Variants in ASIC2 observed in about 807,000 individuals in gnomAD.
The protein encoded by ASIC2 is acid sensing ion channel subunit 2, also known as acid-sensing ion channel 2.
A neutral mutation model predicts 57.3 loss-of-function variants in ASIC2; 25 were observed. The observed-to-expected ratio is 0.44, with a 90% confidence interval of 0.32 to 0.61. ASIC2 has a LOEUF of 0.61. ASIC2 is among the 20% of genes least tolerant of loss of function. The pLI is 0.06. For missense variants in ASIC2, 641 were observed against 738.1 expected, an observed-to-expected ratio of 0.87 and a Z score of 1.52; for synonymous variants, 319 against 307.5, an observed-to-expected ratio of 1.04 and a Z score of -0.39.
intron 1 of ASIC2, among the ~76,000 whole-genome samples, chr17:33,718,702 AT>A (rs1393178322): frequency 7.2e-5 from 11 of 152,268 alleles, no homozygotes; most frequent in Admixed American, 2.0e-4. Flanking sequence ...CTCCTGTTCT[AT>A]CCCCAAAGAG....
At chr17:33,589,803 T>C (rs895738370) in intron 1 of ASIC2, among the ~76,000 whole-genome samples, 1 of 152,210 alleles carries the variant, frequency 6.6e-6, no homozygotes. Context: ...TTCTACCCTT[T>C]GGCTACTATG....
At chr17:33,575,844 T>A (rs903433694) in intron 1 of ASIC2, among the ~76,000 whole-genome samples, 3 of 152,108 alleles carry the variant, frequency 2.0e-5, no homozygotes, top group Admixed American at 6.6e-5. Flanking sequence ...GGCAAGGGGC[T>A]CTTTAAACAT....
chr17:33,307,851 C>T (rs1442820595), intron 1 of ASIC2, among the ~76,000 whole-genome samples: 2 of 152,182 alleles, frequency 1.3e-5, no homozygotes, highest in Non-Finnish European at 2.9e-5. Context: ...AAGCACAGAG[C>T]CTGACATATA....
intron 1 of ASIC2, among the ~76,000 whole-genome samples, chr17:34,132,549 C>T (rs1912016188): frequency 6.6e-6 from 1 of 152,028 alleles, no homozygotes; most frequent in South Asian, 2.1e-4. Context: ...CTGATTGGTG[C>T]GTTTTACAGA....
At chr17:33,601,401 G>A (rs1228686577) in intron 1 of ASIC2, among the ~76,000 whole-genome samples, 2 of 152,160 alleles carry the variant, frequency 1.3e-5, no homozygotes, top group Non-Finnish European at 2.9e-5. Context: ...TTGGGACTCT[G>A]CTCCCCACAT....
chr17:33,297,340 C>A (rs1216278408), upstream of ASIC2, among the ~76,000 whole-genome samples: 1 of 152,220 alleles, frequency 6.6e-6, no homozygotes, highest in Non-Finnish European at 1.5e-5. Context: ...TCTGGTACTT[C>A]TAGCTCCTGA....
intron 1 of ASIC2, among the ~76,000 whole-genome samples, chr17:33,877,268 G>T (rs1317578388): frequency 6.6e-6 from 1 of 152,108 alleles, no homozygotes; most frequent in Non-Finnish European, 1.5e-5. Context: ...TCGGACAGTG[G>T]GTGCAGGACA....
At chr17:34,113,493 C>T (rs1911337913) in intron 1 of ASIC2, among the ~76,000 whole-genome samples, 1 of 151,048 alleles carries the variant, frequency 6.6e-6, no homozygotes, top group African/African-American at 2.4e-5. Flanking sequence ...CCCAGGAAAT[C>T]ATGGTTGCAG....
At chr17:33,922,111 T>C (rs1164265718) in intron 1 of ASIC2, among the ~76,000 whole-genome samples, 1 of 152,158 alleles carries the variant, frequency 6.6e-6, no homozygotes, top group Non-Finnish European at 1.5e-5. Flanking sequence ...AATTTGGCAA[T>C]GTGACAGAGC....
intron 1 of ASIC2, chr17:33,581,366 A>C (rs546929098): frequency 2.0e-5 from 3 of 152,270 alleles, no homozygotes; most frequent in Admixed American, 6.5e-5. Context: ...TTTTCTCCCA[A>C]AGCCTCCTGA....
intron 1 of ASIC2, among the ~76,000 whole-genome samples, chr17:33,893,549 A>G (rs1915016447): frequency 6.6e-6 from 1 of 152,240 alleles, no homozygotes; most frequent in South Asian, 2.1e-4. Flanking sequence ...AGTTTCGTCC[A>G]GGATTCCTGG....
intron 1 of ASIC2, among the ~76,000 whole-genome samples, chr17:33,329,543 G>T (rs1802386825): frequency 6.6e-6 from 1 of 152,284 alleles, no homozygotes. Flanking sequence ...TAAGGTCAAG[G>T]TCATCACACA....
At chr17:33,385,811 G>C (rs1909654298) in intron 1 of ASIC2, among the ~76,000 whole-genome samples, 1 of 152,168 alleles carries the variant, frequency 6.6e-6, no homozygotes, top group South Asian at 2.1e-4. Context: ...GCAAAGACTG[G>C]GTGGAATGGG....
chr17:33,792,701 A>C (rs1470001327), intron 1 of ASIC2: 1 of 152,184 alleles, frequency 6.6e-6, no homozygotes, highest in Non-Finnish European at 1.5e-5. Flanking sequence ...GTGGCTTATG[A>C]AGTGGTCAGA....
rs138614782 is a variant in ASIC2 at position 33,724,147 on chromosome 17, G to A, written c.555+431831C>T. On this transcript the variant is annotated intron_variant, in intron 1 of 9. Transcript: ENST00000359872. ...TATAAAGAGGAAATCCCTTTCACTC[G>A]GTTCTCATTCTCTCTCTTGCCGGCT... Among the ~76,000 whole-genome samples the A allele has an allele frequency of 1.3e-3, 191 of 152,162 alleles. 1 individual carries two copies. Among genetic ancestry groups the A allele is most frequent in the African/African-American group, 5.1e-4 (21 of 41,490 alleles).
intron 1 of ASIC2, among the ~76,000 whole-genome samples, chr17:33,574,809 T>C (rs1041400125): frequency 6.6e-6 from 1 of 152,060 alleles, no homozygotes; most frequent in East Asian, 1.9e-4. Context: ...GAACGGCACA[T>C]TTATTGTGTC....
intron 1 of ASIC2, among the ~76,000 whole-genome samples, chr17:33,126,927 G>A (rs529171707): frequency 9.7e-5 from 13 of 134,350 alleles, no homozygotes; most frequent in Non-Finnish European, 1.8e-4. Flanking sequence ...GACTGCAGTG[G>A]CGCAATCTCG....
At chr17:33,328,131 G>A (rs934880499) in intron 1 of ASIC2, among the ~76,000 whole-genome samples, 2 of 105,878 alleles carry the variant, frequency 1.9e-5, no homozygotes, top group South Asian at 3.8e-4. Flanking sequence ...CACTCAGTTT[G>A]CAACATTTTG....
chr17:34,077,347 C>T (rs1230160937), intron 1 of ASIC2, among the ~76,000 whole-genome samples: 7 of 152,202 alleles, frequency 4.6e-5, no homozygotes, highest in Admixed American at 2.6e-4. Context: ...GAGGCAGCTG[C>T]GCTCATGGTC....
Sources: gnomAD v4.1 joint callset for allele counts (sites outside exome capture counted in the v4.1 genomes callset) on GRCh38, gnomAD v4.1.1 for gene constraint, MANE v1.5 for transcripts, NCBI Gene and HGNC (gene_info 2026-07-23, HGNC 2026-07-21) for gene names.